The following TMEM163 variants were observed in gnomAD, a reference collection of about 807,000 sequenced individuals.
The protein encoded by TMEM163 is transmembrane protein 163.
In TMEM163, 17 loss-of-function variants were observed where a neutral mutation model predicts 29.3. The ratio of observed to expected loss-of-function variants is 0.58; its 90% CI spans 0.40 to 0.87. The LOEUF is 0.87. TMEM163 is among the 40% of genes least tolerant of loss of function. The pLI is 0.00. For missense variants in TMEM163, 303 were observed against 381.5 expected (o/e 0.79, Z 1.71); for synonymous variants, 157 against 160.6 (o/e 0.98, Z 0.17).
intron 2 of TMEM163, among the ~76,000 whole-genome samples, chr2:134,611,860 A>T (rs1193859396): frequency 6.6e-6 from 1 of 152,208 alleles, no homozygotes; most frequent in Non-Finnish European, 1.5e-5. Context: ...GGAAACAGGC[A>T]AAAACGACAG....
rs17788003 is a variant in TMEM163 at position 134,515,134 on chromosome 2, T to G, written c.459-12137A>C. On this transcript the variant is annotated intron_variant, in intron 4 of 7. Transcript: ENST00000281924. ...CTTGGAACCAAGGGAAGAAGTTGCC[T>G]GTCCGAATGATAACAGATGAGTCAT... Among the ~76,000 whole-genome samples the G allele has an allele frequency of 0.011, 1,694 of 152,346 alleles. 25 individuals carry two copies. The Middle Eastern group carries it at 0.13, about 12-fold the overall frequency.
Position 134,713,298 on chromosome 2 carries a change from C to T in TMEM163, c.224G>A (p.Arg75His), listed in dbSNP as rs1369657232. Residue 75 changes from arginine to histidine, a missense_variant, in exon 2 of 8, where the codon CGC (arginine) becomes CAC (histidine). Transcript: ENST00000281924. ...GTTCTGGGCTTCGTGAGGTTTCAGG[C>T]GGGTGCTGCTTTCTAGTAAGCCTGA... is the stretch of plus-strand genomic sequence containing the variant. ...EDRGLLESST[R>H]LKPHEAQNYR... 4.3e-6 allele frequency: 7 copies of T among 1,614,040 alleles called. No homozygotes were observed. The highest frequency in any genetic ancestry group is 2.2e-5 in the South Asian group (2 of 91,054).
At chr2:134,683,378 T>G (rs905715538) in intron 2 of TMEM163, among the ~76,000 whole-genome samples, 18 of 151,626 alleles carry the variant, frequency 1.2e-4, no homozygotes, top group Non-Finnish European at 2.5e-4. Context: ...TGTACCTTCC[T>G]CTCACATTTG....
At chr2:134,701,184 T>C (rs1684695371) in intron 2 of TMEM163, among the ~76,000 whole-genome samples, 1 of 150,720 alleles carries the variant, frequency 6.6e-6, no homozygotes, top group Non-Finnish European at 1.5e-5. Flanking sequence ...AGTAAAACCA[T>C]AAAAATTAGA....
At chr2:134,499,863 C>G (rs1679662508) in intron 5 of TMEM163, among the ~76,000 whole-genome samples, 1 of 152,188 alleles carries the variant, frequency 6.6e-6, no homozygotes, top group Non-Finnish European at 1.5e-5. Context: ...TGGTTTTGCC[C>G]AGATCCTACC....
chr2:134,457,340 G>A (rs74448596), intron 7 of TMEM163, among the ~76,000 whole-genome samples: 3,588 of 152,280 alleles, frequency 0.024, 144 homozygotes, highest in African/African-American at 0.08. Context: ...GTAACTCTGC[G>A]TCCATGGCAG....
chr2:134,713,210 C>A lies in TMEM163; in HGVS notation c.312G>T (p.Val104=). The A allele has an allele frequency of 1.2e-6, 2 of 1,613,962 alleles. No homozygotes were observed. Among genetic ancestry groups the A allele is most frequent in the Non-Finnish European group, 1.7e-6 (2 of 1,179,958 alleles). The change falls in exon 2 of 8, where the codon GTG becomes GTT. Residue 104 remains valine, a synonymous_variant. Coordinates refer to ENST00000281924, the MANE Select transcript of TMEM163 (RefSeq NM_030923.5). ...ACCCTTGATACTCACTAAAGGCAGCCACCGCGAGGGCCAGGGTGACAATGA... is the reference window on the plus strand; with the variant it reads ...ACCCTTGATACTCACTAAAGGCAGCAACCGCGAGGGCCAGGGTGACAATGA... ...FSIIVTLALA[V]AAFTVSVMRY... is the part of the protein sequence containing the mutation.
At chr2:134,577,504 C>T (rs897953373) in intron 2 of TMEM163, among the ~76,000 whole-genome samples, 10 of 152,172 alleles carry the variant, frequency 6.6e-5, no homozygotes, top group Admixed American at 3.9e-4. Context: ...GGAGACCATC[C>T]GCAGAGCAAG....
chr2:134,639,371 A>C (rs1278518652), intron 2 of TMEM163, among the ~76,000 whole-genome samples: 1 of 152,244 alleles, frequency 6.6e-6, no homozygotes, highest in Non-Finnish European at 1.5e-5. Context: ...CAAGTGCCTC[A>C]TCATCATGAC....
At chr2:134,550,231 CT>C (rs1329996783) in intron 4 of TMEM163, among the ~76,000 whole-genome samples, 1 of 152,130 alleles carries the variant, frequency 6.6e-6, no homozygotes, top group Non-Finnish European at 1.5e-5. Flanking sequence ...GAGAATTCAT[CT>C]TACTTAGAAG....
At position 134,595,433 on chromosome 2, in the gene TMEM163, AG is replaced by A. The variant is rs1017457165; in HGVS notation, c.323-43343del. Among the ~76,000 whole-genome samples the A allele has an allele frequency of 4.6e-5, 7 of 152,146 alleles. No homozygotes were observed. In the South Asian group the frequency reaches 6.2e-4, roughly 14 times the overall value. ...TTCCAGCTTCATCCATTTCCCTACA[AG>A]GGACATGAACTCATCATTTTGTATG... On this transcript the variant is annotated intron_variant, in intron 2 of 7. Transcript: ENST00000281924.
chr2:134,633,381 C>G (rs1683024345), intron 2 of TMEM163, among the ~76,000 whole-genome samples: 1 of 152,134 alleles, frequency 6.6e-6, no homozygotes, highest in Non-Finnish European at 1.5e-5. Context: ...TAATCATTAT[C>G]TTCCAAATCT....
chr2:134,461,067 C>T (rs527701619), intron 6 of TMEM163, among the ~76,000 whole-genome samples: 1 of 152,344 alleles, frequency 6.6e-6, no homozygotes, highest in Admixed American at 6.5e-5. Context: ...CCCTGAGCCC[C>T]CAGCCCAGCA....
At chr2:134,558,032 A>G (rs1681086661) in intron 2 of TMEM163, among the ~76,000 whole-genome samples, 1 of 152,188 alleles carries the variant, frequency 6.6e-6, no homozygotes, top group Non-Finnish European at 1.5e-5. Context: ...TCACAAAAAT[A>G]TCAACAAAGG....
At chr2:134,578,667 C>A (rs1248742924) in intron 2 of TMEM163, among the ~76,000 whole-genome samples, 1 of 152,154 alleles carries the variant, frequency 6.6e-6, no homozygotes, top group Non-Finnish European at 1.5e-5. Flanking sequence ...CCCTTCTCTG[C>A]ATGTCCAGTA....
In TMEM163 at chr2:134,456,676, A is replaced by G; in HGVS notation, c.*40T>C. The G allele has an allele frequency of 6.2e-7, 1 of 1,609,600 alleles. No homozygotes were observed. The highest frequency in any genetic ancestry group is 8.5e-7 in the Non-Finnish European group (1 of 1,177,368). On this transcript the variant is annotated 3_prime_UTR_variant, in exon 8 of 8. Coordinates refer to ENST00000281924, the MANE Select transcript of TMEM163 (RefSeq NM_030923.5). ...ATTGGCACCCTTTGCCTATGTGGAA[A>G]CTCCTCATCTCGATGGTCTCATGCG...
chr2:134,692,803 T>C (rs1047430909), intron 2 of TMEM163, among the ~76,000 whole-genome samples: 1 of 152,112 alleles, frequency 6.6e-6, no homozygotes, highest in Non-Finnish European at 1.5e-5. Context: ...CCAAATACCA[T>C]CACACTGTGG....
At chr2:134,557,043 T>G (rs1274196387) in intron 2 of TMEM163, among the ~76,000 whole-genome samples, 4 of 151,934 alleles carry the variant, frequency 2.6e-5, no homozygotes, top group African/African-American at 9.7e-5. Flanking sequence ...AAGCAAAGAC[T>G]TAAGGAGATG....
rs145929166 is a variant in TMEM163, at chr2:134,587,464, AACACCAT to A, written c.323-35380_323-35374del. ...CCCCCGTGTGAGAAGCTAGGCTGAG[AACACCAT>A]CCACAGAAAACCTGAACGCAGCAGG... On this transcript the variant is annotated intron_variant, in intron 2 of 7. Coordinates refer to ENST00000281924, the MANE Select transcript of TMEM163 (RefSeq NM_030923.5). Among the ~76,000 whole-genome samples the A allele has an allele frequency of 7.7e-3, 1,165 of 152,252 alleles. 22 individuals carry two copies. Among genetic ancestry groups the A allele is most frequent in the African/African-American group, 0.027 (1,109 of 41,542 alleles).
Sources: gnomAD v4.1 joint callset for allele counts (sites outside exome capture counted in the v4.1 genomes callset) on GRCh38, gnomAD v4.1.1 for gene constraint, MANE v1.5 for transcripts, NCBI Gene and HGNC (gene_info 2026-07-23, HGNC 2026-07-21) for gene names.